BRD4: variants seen among roughly 807,000 people sequenced by gnomAD.
BRD4 encodes bromodomain-containing protein 4.
BRD4 carries 16 observed loss-of-function variants against 142.1 expected under a neutral mutation model. That is an observed-to-expected ratio of 0.11 (90% CI 0.08 to 0.17). The LOEUF (loss-of-function observed/expected upper bound fraction) is 0.17, where lower values mean the gene tolerates loss of function less well. BRD4 is among the 10% of genes least tolerant of loss of function. The probability of loss-of-function intolerance (pLI) is 1.00; values close to 1 mark genes in which losing one functional copy is unlikely to be tolerated. For missense variants in BRD4, 1,424 were observed against 1,810.9 expected (o/e 0.79, Z 3.88); for synonymous variants, 833 against 707.5 (o/e 1.18, Z -2.82).
intron 1 of BRD4, among the ~76,000 whole-genome samples, chr19:15,287,835 T>C (rs555217391): frequency 9.9e-5 from 15 of 152,096 alleles, no homozygotes; most frequent in African/African-American, 3.1e-4. Context: ...AGTGGTACGA[T>C]CTAGGCTCAT....
chr19:15,271,657 T>C (rs911365607), intron 2 of BRD4, among the ~76,000 whole-genome samples: 1 of 151,990 alleles, frequency 6.6e-6, no homozygotes, highest in Non-Finnish European at 1.5e-5. Flanking sequence ...CCCCCAACAG[T>C]CTCCCTCCCG....
At chr19:15,315,549 C>T (rs2048009642) in intron 1 of BRD4, among the ~76,000 whole-genome samples, 1 of 152,126 alleles carries the variant, frequency 6.6e-6, no homozygotes, top group Non-Finnish European at 1.5e-5. Context: ...CTCAATTCTA[C>T]CCTACAGTAA....
In BRD4 at chr19:15,237,177, A is replaced by C. The variant is rs186590936; in HGVS notation, c.*1200T>G. 7.0e-3 allele frequency: 1,376 copies of C among 195,890 alleles called. 18 individuals carry two copies. The highest frequency in any genetic ancestry group is 0.022 in the South Asian group (107 of 4,892). 12.1% of individuals were successfully genotyped at this position (195,890 alleles called of 1,614,324 possible). A position where few individuals can be genotyped will look rare whatever the true frequency, so the allele number is the denominator to read the frequency against. ...CTCAGTAAAAAACAAAAACAAAAAC[A>C]AAAACCAAAACCAAAAAAACCAACT... On this transcript the variant is annotated 3_prime_UTR_variant, in exon 20 of 20. Coordinates refer to ENST00000679869, the MANE Select transcript of BRD4 (RefSeq NM_001379291.1).
At chr19:15,264,912 C>G (rs2047515409) in intron 5 of BRD4, 146 bp from the exon 6 acceptor site, 7 of 1,288,786 alleles carry the variant, frequency 5.4e-6, no homozygotes, top group Middle Eastern at 2.8e-4. Context: ...GGCAAAGGGC[C>G]AAGGACAGGC....
intron 1 of BRD4, among the ~76,000 whole-genome samples, chr19:15,313,356 A>AG (rs1439806708): frequency 2.4e-4 from 34 of 140,888 alleles, no homozygotes; most frequent in Middle Eastern, 4.2e-3. Context: ...CTGGGCAACA[A>AG]AGCAAGACTC....
intron 1 of BRD4, among the ~76,000 whole-genome samples, chr19:15,312,850 G>A (rs565433880): frequency 1.3e-5 from 2 of 151,704 alleles, no homozygotes; most frequent in Non-Finnish European, 2.9e-5. Context: ...CAAGAGAATT[G>A]CTTAGAAGCC....
Position 15,322,311 on chromosome 19 carries a change from G to A in BRD4, c.-35+9979C>T, listed in dbSNP as rs867819987. Among the ~76,000 whole-genome samples, 6 of 151,822 alleles carry A rather than the reference G, an allele frequency of 4.0e-5. No homozygotes were observed. The South Asian group carries it at 6.2e-4, about 16-fold the overall frequency. Reference sequence around the variant, plus strand: ...TTCTGAGATGGAGTCTCGCTCTGTCGCCCAGGCTGGAGTGCAGTGACACGA... The same window carrying A: ...TTCTGAGATGGAGTCTCGCTCTGTCACCCAGGCTGGAGTGCAGTGACACGA... On this transcript the variant is annotated intron_variant, in intron 1 of 19. Transcript: ENST00000679869.
At chr19:15,328,431 CA>C (rs1730907951) in intron 1 of BRD4, among the ~76,000 whole-genome samples, 1 of 152,158 alleles carries the variant, frequency 6.6e-6, no homozygotes, top group Non-Finnish European at 1.5e-5. Context: ...CACCGCACTT[CA>C]AACTGCTAAG....
intron 7 of BRD4, 37 bp downstream of exon 7, chr19:15,263,383 G>C (rs770669614): frequency 1.9e-6 from 3 of 1,603,668 alleles, no homozygotes; most frequent in Non-Finnish European, 2.6e-6. Flanking sequence ...ACCTCAGCCT[G>C]CTCTGCTGAG....
chr19:15,275,049 G>A (rs2047631380), intron 1 of BRD4, among the ~76,000 whole-genome samples: 1 of 151,918 alleles, frequency 6.6e-6, no homozygotes, highest in African/African-American at 2.4e-5. Flanking sequence ...AGTGGAGATG[G>A]GGTTTCACCA....
At chr19:15,301,497 G>T (rs1158127142) in intron 1 of BRD4, among the ~76,000 whole-genome samples, 1 of 151,728 alleles carries the variant, frequency 6.6e-6, no homozygotes, top group East Asian at 1.9e-4. Flanking sequence ...AGAGGCAGAG[G>T]TTGCAGTGAG....
chr19:15,271,641 T>A (rs918680481), intron 2 of BRD4, among the ~76,000 whole-genome samples: 1 of 152,172 alleles, frequency 6.6e-6, no homozygotes, highest in African/African-American at 2.4e-5. Flanking sequence ...ATTGGTGCAG[T>A]GAGCTCCCCC....
At chr19:15,292,338 T>C (rs1226368727) in intron 1 of BRD4, among the ~76,000 whole-genome samples, 1 of 152,182 alleles carries the variant, frequency 6.6e-6, no homozygotes, top group Admixed American at 6.5e-5. Flanking sequence ...ATGACTTATC[T>C]ACACCCCAAA....
intron 1 of BRD4, among the ~76,000 whole-genome samples, chr19:15,328,866 C>G (rs914779166): frequency 6.6e-6 from 1 of 152,140 alleles, no homozygotes; most frequent in Non-Finnish European, 1.5e-5. Context: ...CTCCGCCTCC[C>G]GGGTTCAAGC....
chr19:15,297,175 G>C (rs1382747877), intron 1 of BRD4, among the ~76,000 whole-genome samples: 1 of 152,210 alleles, frequency 6.6e-6, no homozygotes, highest in African/African-American at 2.4e-5. Flanking sequence ...TGATACAGCA[G>C]TAGCCCTCAG....
intron 1 of BRD4, among the ~76,000 whole-genome samples, chr19:15,329,248 T>C (rs1239215060): frequency 1.3e-5 from 2 of 152,192 alleles, no homozygotes; most frequent in Non-Finnish European, 2.9e-5. Context: ...GGAGCTCCAA[T>C]GACAAGCTTA....
In BRD4 at chr19:15,273,185, C is replaced by G. The variant is rs537218037; in HGVS notation, c.-34-52G>C. ...GAGATATCAGTCAGCAGATGGGCAC[C>G]GCTCAGAATGACAAGTCCCTCTGGC... On this transcript the variant is annotated intron_variant, in intron 1 of 19. Transcript: ENST00000679869. The G allele has an allele frequency of 7.7e-5, 114 of 1,478,436 alleles. 1 individual carries two copies. The Middle Eastern group carries it at 6.5e-3, about 84-fold the overall frequency. 91.6% of individuals were successfully genotyped at this position (1,478,436 alleles called of 1,614,324 possible).
chr19:15,311,165 G>A (rs777788478), intron 1 of BRD4, among the ~76,000 whole-genome samples: 4 of 151,794 alleles, frequency 2.6e-5, no homozygotes, highest in Non-Finnish European at 5.9e-5. Context: ...GTGGCAAGGG[G>A]CCTGTAGTCC....
At chr19:15,329,676 T>G (rs1599538341) in intron 1 of BRD4, among the ~76,000 whole-genome samples, 1 of 152,092 alleles carries the variant, frequency 6.6e-6, no homozygotes, top group Admixed American at 6.6e-5. Flanking sequence ...GAGGCAGAGG[T>G]TGCAGTGAGC....
Sources: allele counts gnomAD v4.1 joint callset (sites outside exome capture counted in the v4.1 genomes callset), GRCh38; gene constraint gnomAD v4.1.1; transcripts MANE v1.5; gene names NCBI Gene and HGNC (gene_info 2026-07-23, HGNC 2026-07-21).